Variants in PSG5 observed in about 807,000 individuals in gnomAD.
The protein encoded by PSG5 is pregnancy specific beta-1-glycoprotein 5.
Under a neutral mutation model 37.7 loss-of-function variants are expected in PSG5, and 53 were observed. The ratio of observed to expected loss-of-function variants is 1.41; its 90% CI spans 1.13 to 1.77. The LOEUF is 1.77. Ranked by LOEUF, PSG5 falls within the 40% of genes most tolerant of loss-of-function variation. The probability of loss-of-function intolerance (pLI) is 0.00; values close to 1 mark genes in which losing one functional copy is unlikely to be tolerated. For synonymous variants in PSG5, 221 were observed against 155.4 expected (o/e 1.42, Z -3.14); for missense variants, 547 against 405.2 (o/e 1.35, Z -3.00).
At position 43,176,375 on chromosome 19, in the gene PSG5, G is replaced by A. The variant is rs569115171; in HGVS notation, c.431-227C>T. ...GCACAGACTTTCTCAAGTGTCAATT[G>A]AGCAGCAGTGTTGGGTCATGAACAG... On this transcript the variant is annotated intron_variant, in intron 2 of 5. Transcript: ENST00000342951. Among the ~76,000 whole-genome samples, 215 of 151,660 alleles carry A rather than the reference G, an allele frequency of 1.4e-3. 3 individuals are homozygous for A. Among genetic ancestry groups the A allele is most frequent in the Non-Finnish European group, 2.6e-3 (178 of 67,892 alleles).
chr19:43,173,742 A>C (rs892854811), intron 4 of PSG5, among the ~76,000 whole-genome samples: 1 of 151,728 alleles, frequency 6.6e-6, no homozygotes, highest in Non-Finnish European at 1.5e-5. Context: ...AGATGGAAAA[A>C]TTGGAGCTCT....
At chr19:43,177,296 A>G (rs893365453) in intron 2 of PSG5, among the ~76,000 whole-genome samples, 1 of 150,052 alleles carries the variant, frequency 6.7e-6, no homozygotes, top group Non-Finnish European at 1.5e-5. Flanking sequence ...TATAGTTCAC[A>G]CAGATTGAGT....
intron 2 of PSG5, among the ~76,000 whole-genome samples, chr19:43,183,831 T>G (rs1018912481): frequency 1.3e-5 from 2 of 151,530 alleles, no homozygotes; most frequent in African/African-American, 4.9e-5. Context: ...CCTTTGGGTT[T>G]GTGTGACTCT....
rs140647794 is a variant in PSG5 at position 43,170,154 on chromosome 19, A to T, written c.965-16T>A. 6.4e-7 allele frequency: 1 copy of T among 1,570,870 alleles called. No homozygotes were observed. Among genetic ancestry groups the T allele is most frequent in the Non-Finnish European group, 8.7e-7 (1 of 1,147,172 alleles). On this transcript the variant is annotated splice_polypyrimidine_tract_variant and intron_variant, in intron 4 of 5. Transcript: ENST00000342951. Reference sequence around the variant, plus strand: ...CCTGAAGGAGCTGTCATGGAAAGAAAAGTAAAGAAGGAATGAAGGTGATGT... The same window carrying T: ...CCTGAAGGAGCTGTCATGGAAAGAATAGTAAAGAAGGAATGAAGGTGATGT...
At chr19:43,181,541 C>A (rs1969128308) in intron 2 of PSG5, among the ~76,000 whole-genome samples, 1 of 151,626 alleles carries the variant, frequency 6.6e-6, no homozygotes, top group East Asian at 1.9e-4. Context: ...TCACTGCAAG[C>A]TCCACCTCCT....
intron 2 of PSG5, among the ~76,000 whole-genome samples, chr19:43,182,033 A>G (rs1355264155): frequency 1.3e-5 from 2 of 151,676 alleles, no homozygotes; most frequent in Non-Finnish European, 1.5e-5. Context: ...GCAAAGTAGC[A>G]TGTCTGACTC....
chr19:43,167,913 C>T lies in PSG5; in HGVS notation c.*331G>A. 1 of 378,428 alleles carries T rather than the reference C, an allele frequency of 2.6e-6. No individual in the cohort carries two copies. The highest frequency in any genetic ancestry group is 4.9e-6 in the Non-Finnish European group (1 of 205,286). 23.4% of individuals were successfully genotyped at this position (378,428 alleles called of 1,614,324 possible). On this transcript the variant is annotated 3_prime_UTR_variant, in exon 6 of 6. Coordinates refer to ENST00000342951, the MANE Select transcript of PSG5 (RefSeq NM_002781.4). Reference sequence around the variant, plus strand: ...AAGTTCATAAATCTGGAGAATAAAACATTCAAAGAATCAGCACATTTTCAA... The same window carrying T: ...AAGTTCATAAATCTGGAGAATAAAATATTCAAAGAATCAGCACATTTTCAA...
At chr19:43,168,924 A>C (rs1308221757) in intron 5 of PSG5, among the ~76,000 whole-genome samples, 1 of 151,572 alleles carries the variant, frequency 6.6e-6, no homozygotes, top group Admixed American at 6.6e-5. Flanking sequence ...GCTGAAAATC[A>C]TTCATTTAGT....
At chr19:43,179,908 C>A (rs987802351) in intron 2 of PSG5, among the ~76,000 whole-genome samples, 1 of 151,726 alleles carries the variant, frequency 6.6e-6, no homozygotes, top group African/African-American at 2.4e-5. Flanking sequence ...GCTTCCTTCC[C>A]CTTGTAGAGG....
intron 1 of PSG5, 119 bp downstream of exon 1, chr19:43,186,223 A>G (rs1186704760): frequency 3.3e-6 from 5 of 1,527,596 alleles, no homozygotes; most frequent in Admixed American, 1.8e-5. Flanking sequence ...TAATCCACCC[A>G]CCTCATCCTC....
intron 2 of PSG5, among the ~76,000 whole-genome samples, chr19:43,178,485 C>A (rs1244443790): frequency 6.6e-6 from 1 of 151,458 alleles, no homozygotes; most frequent in Non-Finnish European, 1.5e-5. Context: ...CCATCTGGAG[C>A]AAAGAGAATA....
chr19:43,174,606 G>A (rs1282728280), intron 4 of PSG5: 11 of 972,084 alleles, frequency 1.1e-5, no homozygotes, highest in East Asian at 1.1e-4. Flanking sequence ...TGGCCCGGGG[G>A]AGGCTTGGCT....
Position 43,185,079 on chromosome 19 carries a change from CTT to C in PSG5, c.131_132del (p.Lys44SerfsTer85). 1.2e-6 allele frequency: 2 copies of C among 1,612,226 alleles called. No homozygotes were observed. Among genetic ancestry groups the C allele is most frequent in the African/African-American group, 1.3e-5 (1 of 74,588 alleles). On this transcript the variant is annotated frameshift_variant, in exon 2 of 6. Coordinates refer to ENST00000342951, the MANE Select transcript of PSG5 (RefSeq NM_002781.4). LOFTEE classifies it high-confidence loss of function. ...AGAAGAACATCCTTCCCCTCGGAAACTTTGGGTGGCAGGGCTTCAATCGTGAC... is the reference window on the plus strand; with the variant it reads ...AGAAGAACATCCTTCCCCTCGGAAACTGGGTGGCAGGGCTTCAATCGTGAC... The part of the protein sequence containing the change: ...AQVTIEALPP[K>X]VSEGKDVLLL...
chr19:43,181,075 C>T (rs1337137370), intron 2 of PSG5, among the ~76,000 whole-genome samples: 1 of 151,502 alleles, frequency 6.6e-6, no homozygotes, highest in East Asian at 1.9e-4. Context: ...GCCAATGGCT[C>T]GTGTGTCTCC....
chr19:43,179,563 G>T (rs1449609058), intron 2 of PSG5, among the ~76,000 whole-genome samples: 4 of 151,726 alleles, frequency 2.6e-5, no homozygotes, highest in African/African-American at 4.9e-5. Context: ...TGTTTTCTCT[G>T]CAGCTTCCCT....
intron 2 of PSG5, among the ~76,000 whole-genome samples, chr19:43,184,070 A>C (rs989323343): frequency 1.3e-5 from 2 of 151,738 alleles, no homozygotes; most frequent in African/African-American, 4.9e-5. Context: ...GCTACCAGGT[A>C]CATCTTCTCC....
chr19:43,185,984 T>G (rs1966929964), intron 1 of PSG5, among the ~76,000 whole-genome samples: 1 of 151,336 alleles, frequency 6.6e-6, no homozygotes, highest in South Asian at 2.1e-4. Flanking sequence ...TTTTTTTCTT[T>G]TTATTTTTTT....
At chr19:43,173,766 T>C (rs1338533292) in intron 4 of PSG5, among the ~76,000 whole-genome samples, 1 of 151,660 alleles carries the variant, frequency 6.6e-6, no homozygotes, top group African/African-American at 2.4e-5. Context: ...GCATTGCTGA[T>C]GGGAATGGGA....
chr19:43,185,872 C>T (rs112293570), intron 1 of PSG5, among the ~76,000 whole-genome samples: 2,410 of 142,884 alleles, frequency 0.017, 78 homozygotes, highest in Non-Finnish European at 0.028. Context: ...TTACCAATTC[C>T]GGTTCAATAT....
Sources: gnomAD v4.1 joint callset for allele counts (sites outside exome capture counted in the v4.1 genomes callset) on GRCh38, gnomAD v4.1.1 for gene constraint, MANE v1.5 for transcripts, NCBI Gene and HGNC (gene_info 2026-07-23, HGNC 2026-07-21) for gene names.